HTR1F: variants seen among roughly 807,000 people sequenced by gnomAD.
The protein encoded by HTR1F is 5-hydroxytryptamine receptor 1F, also known as 5-hydroxytryptamine (serotonin) receptor 1F, G protein-coupled.
A neutral mutation model predicts 24.0 loss-of-function variants in HTR1F; 17 were observed. The ratio of observed to expected loss-of-function variants is 0.71; its 90% CI spans 0.48 to 1.06. The LOEUF (loss-of-function observed/expected upper bound fraction) is 1.06. Among genes scored for constraint, HTR1F ranks in the 50% least tolerant of loss-of-function variants. The pLI is 0.00. For synonymous variants in HTR1F, 186 were observed against 156.8 expected, an observed-to-expected ratio of 1.19 and a Z score of -1.39; for missense variants, 391 against 427.8, an observed-to-expected ratio of 0.91 and a Z score of 0.76.
intron 2 of HTR1F, among the ~76,000 whole-genome samples, chr3:87,966,530 T>A (rs1298660713): frequency 6.6e-6 from 1 of 152,226 alleles, no homozygotes; most frequent in Non-Finnish European, 1.5e-5. Context: ...GGACACTCTT[T>A]GCATTGTGAT....
Position 87,991,526 on chromosome 3 carries a change from T to A in HTR1F, c.777T>A (p.Asp259Glu). ...TATCTGACCCATCAACAGACTTTGATAAAATTCATAGCACAGTGAGAAGTC... is the reference window on the plus strand; with the variant it reads ...TATCTGACCCATCAACAGACTTTGAAAAAATTCATAGCACAGTGAGAAGTC... ...KSLSDPSTDFDKIHSTVRSLR... is the reference protein window; with the variant it reads ...KSLSDPSTDFEKIHSTVRSLR... The change falls in exon 3 of 3, where the codon GAT (aspartate) becomes GAA (glutamate). Residue 259 changes from aspartate (D) to glutamate (E), a missense_variant. Asp to Glu is a conservative substitution (Grantham distance 45). Coordinates refer to ENST00000319595, the MANE Select transcript of HTR1F (RefSeq NM_001322209.2). 1 of 1,614,084 alleles carries A rather than the reference T, an allele frequency of 6.2e-7. No homozygotes were observed. The highest frequency in any genetic ancestry group is 8.5e-7 in the Non-Finnish European group (1 of 1,179,990).
intron 1 of HTR1F, among the ~76,000 whole-genome samples, chr3:87,818,020 T>C (rs1026797726): frequency 1.3e-5 from 2 of 151,978 alleles, no homozygotes; most frequent in Non-Finnish European, 2.9e-5. Flanking sequence ...AAATAAAGAG[T>C]TATTGTAATT....
intron 2 of HTR1F, among the ~76,000 whole-genome samples, chr3:87,940,618 G>T (rs1300506395): frequency 6.6e-6 from 1 of 152,068 alleles, no homozygotes; most frequent in Non-Finnish European, 1.5e-5. Flanking sequence ...ACAGAATTAG[G>T]AAAAACTACT....
At chr3:87,989,796 A>G (rs993518275) in intron 2 of HTR1F, among the ~76,000 whole-genome samples, 1 of 152,224 alleles carries the variant, frequency 6.6e-6, no homozygotes, top group Admixed American at 6.5e-5. Flanking sequence ...TCGCAGCCCA[A>G]TAACGAGATG....
intron 2 of HTR1F, among the ~76,000 whole-genome samples, chr3:87,854,134 A>G (rs1705150426): frequency 6.6e-6 from 1 of 151,798 alleles, no homozygotes; most frequent in Non-Finnish European, 1.5e-5. Flanking sequence ...AGTAATTTCT[A>G]TTTTTACAGA....
chr3:87,831,508 G>A (rs1480106064), intron 2 of HTR1F, among the ~76,000 whole-genome samples: 1 of 151,752 alleles, frequency 6.6e-6, no homozygotes, highest in Non-Finnish European at 1.5e-5. Flanking sequence ...GATTACAGGC[G>A]CCGGCCACCA....
intron 2 of HTR1F, among the ~76,000 whole-genome samples, chr3:87,981,652 T>G (rs544157769): frequency 6.6e-6 from 1 of 152,304 alleles, no homozygotes; most frequent in African/African-American, 2.4e-5. Flanking sequence ...CAACTTCTTT[T>G]CTCTTTAGGT....
At chr3:87,808,625 T>A (rs1461954631) in intron 1 of HTR1F, among the ~76,000 whole-genome samples, 1 of 151,932 alleles carries the variant, frequency 6.6e-6, no homozygotes, top group Non-Finnish European at 1.5e-5. Flanking sequence ...TCTGCTCTGA[T>A]CTTTATTATT....
chr3:87,991,035 T>C lies in HTR1F; in HGVS notation c.286T>C (p.Cys96Arg). The change falls in exon 3 of 3, where the codon TGT (cysteine) becomes CGT (arginine). Residue 96 changes from cysteine (C) to arginine (R), a missense_variant. Cys to Arg is a radical substitution (Grantham distance 180). Transcript: ENST00000319595. ...GAGCTGGATTATGGGGCAAGTGGTC[T>C]GTGACATTTGGCTGAGTGTTGACAT... ...RESWIMGQVV[C>R]DIWLSVDITC... 6.2e-7 allele frequency: 1 copy of C among 1,614,134 alleles called. No individual in the cohort carries two copies. The highest frequency in any genetic ancestry group is 8.5e-7 in the Non-Finnish European group (1 of 1,180,036).
At chr3:87,950,238 A>G (rs1453784839) in intron 2 of HTR1F, among the ~76,000 whole-genome samples, 5 of 152,222 alleles carry the variant, frequency 3.3e-5, no homozygotes, top group African/African-American at 1.2e-4. Context: ...CCACCTCCCA[A>G]TACTGCCAAA....
chr3:87,975,319 A>G (rs1301219277), intron 2 of HTR1F, among the ~76,000 whole-genome samples: 2 of 152,086 alleles, frequency 1.3e-5, no homozygotes, highest in Admixed American at 1.3e-4. Context: ...CAAAAATCCA[A>G]ATTTTGGAAT....
chr3:87,932,696 T>C (rs1343067684), intron 2 of HTR1F, among the ~76,000 whole-genome samples: 1 of 151,872 alleles, frequency 6.6e-6, no homozygotes, highest in Non-Finnish European at 1.5e-5. Context: ...GGATCTGAAA[T>C]TGTGGCAATA....
intron 2 of HTR1F, among the ~76,000 whole-genome samples, chr3:87,829,058 G>A: frequency 6.7e-6 from 1 of 148,918 alleles, no homozygotes; most frequent in African/African-American, 2.5e-5. Context: ...AAAAAAAAAA[G>A]TTAAAAAAAA....
chr3:87,872,024 C>A (rs1414302078), intron 2 of HTR1F, among the ~76,000 whole-genome samples: 1 of 152,086 alleles, frequency 6.6e-6, no homozygotes, highest in Non-Finnish European at 1.5e-5. Flanking sequence ...CAAGTCTTAA[C>A]ACACTTGAAA....
intron 2 of HTR1F, among the ~76,000 whole-genome samples, chr3:87,887,216 G>C (rs1383228718): frequency 6.6e-6 from 1 of 151,922 alleles, no homozygotes; most frequent in African/African-American, 2.4e-5. Flanking sequence ...CAAAAACAAG[G>C]AATGGGGAAA....
At chr3:87,804,795 A>G (rs2107078712) in intron 1 of HTR1F, among the ~76,000 whole-genome samples, 1 of 152,232 alleles carries the variant, frequency 6.6e-6, no homozygotes, top group South Asian at 2.1e-4. Flanking sequence ...TAGTTTAACA[A>G]TTCAACTTTT....
intron 2 of HTR1F, among the ~76,000 whole-genome samples, chr3:87,951,581 T>C (rs1163157699): frequency 6.6e-6 from 1 of 152,118 alleles, no homozygotes; most frequent in Non-Finnish European, 1.5e-5. Context: ...CCCATACATG[T>C]ATAGCCTCTT....
At chr3:87,851,600 A>T (rs569553866) in intron 2 of HTR1F, among the ~76,000 whole-genome samples, 1 of 151,766 alleles carries the variant, frequency 6.6e-6, no homozygotes, top group East Asian at 1.9e-4. Flanking sequence ...AATCTTTTTA[A>T]TGACAGTCTA....
intron 2 of HTR1F, among the ~76,000 whole-genome samples, chr3:87,841,744 A>G (rs1704808751): frequency 6.6e-6 from 1 of 151,392 alleles, no homozygotes; most frequent in African/African-American, 2.4e-5. Context: ...TACTAAAAAT[A>G]CAAAAATTAG....
Sources: gnomAD v4.1 joint callset for allele counts (sites outside exome capture counted in the v4.1 genomes callset) on GRCh38, gnomAD v4.1.1 for gene constraint, MANE v1.5 for transcripts, NCBI Gene and HGNC (gene_info 2026-07-23, HGNC 2026-07-21) for gene names.